CDH23: variants seen among roughly 807,000 people sequenced by gnomAD.
CDH23 encodes the protein cadherin-23.
Under a neutral mutation model 317.1 loss-of-function variants are expected in CDH23, and 189 were observed. That is an observed-to-expected ratio of 0.60 (90% CI 0.53 to 0.67). The LOEUF (loss-of-function observed/expected upper bound fraction) is 0.67, where lower values mean the gene tolerates loss of function less well. Ranked by LOEUF, CDH23 falls within the 30% of genes least tolerant of loss-of-function variation. The probability of loss-of-function intolerance (pLI) is 0.00; values close to 1 mark genes in which losing one functional copy is unlikely to be tolerated. For missense variants in CDH23, 4,401 were observed against 4,592.4 expected, an observed-to-expected ratio of 0.96 and a Z score of 1.20; for synonymous variants, 1,839 against 1,876.8, an observed-to-expected ratio of 0.98 and a Z score of 0.52.
intron 11 of CDH23, 178 bp downstream of exon 11, chr10:71,617,571 T>C: frequency 1.4e-6 from 2 of 1,451,208 alleles, no homozygotes; most frequent in Admixed American, 2.3e-5. Context: ...ACTTTTGGAT[T>C]ATCCCCTACA....
rs547411506 is a variant in CDH23, at chr10:71,672,683, G to T, written c.1450-2429G>T. Among the ~76,000 whole-genome samples the T allele has an allele frequency of 2.8e-4, 42 of 152,292 alleles. No homozygotes were observed. In the South Asian group the frequency reaches 8.5e-3, roughly 31 times the overall value. On this transcript the variant is annotated intron_variant, in intron 14 of 69. Coordinates refer to ENST00000224721, the MANE Select transcript of CDH23 (RefSeq NM_022124.6). ...GCAGGGGAGGCCAAGCCTTGCAGGG[G>T]TTGGGGGTGTGAAGCCAGCTTCTGC...
chr10:71,688,971 TC>T (rs142285259), intron 19 of CDH23, among the ~76,000 whole-genome samples: 24 of 1,294 alleles, frequency 0.019, 4 homozygotes, highest in Middle Eastern at 0.25. Context: ...GGTGGTGGAG[TC>T]CAGGGGTGGT....
intron 3 of CDH23, among the ~76,000 whole-genome samples, chr10:71,483,621 T>C (rs1852185956): frequency 6.6e-6 from 1 of 152,172 alleles, no homozygotes; most frequent in Non-Finnish European, 1.5e-5. Flanking sequence ...AGGGAGAAGC[T>C]CCTCACCCTT....
chr10:71,702,768 A>G, intron 24 of CDH23, 74 bp downstream of exon 24: 1 of 1,570,570 alleles, frequency 6.4e-7, no homozygotes, highest in African/African-American at 1.3e-5. Context: ...GCCCAGGCTG[A>G]AAACTTTGCA....
intron 1 of CDH23, among the ~76,000 whole-genome samples, chr10:71,412,321 C>G (rs77088128): frequency 6.6e-6 from 1 of 152,162 alleles, no homozygotes; most frequent in African/African-American, 2.4e-5. Flanking sequence ...TGAGTGTATA[C>G]CTAGGTGTGG....
At chr10:71,566,632 G>A (rs540030124) in intron 6 of CDH23, 110 bp from the exon 7 acceptor site, 60 of 935,236 alleles carry the variant, frequency 6.4e-5, no homozygotes, top group East Asian at 5.7e-4. Flanking sequence ...ACAAGGCCTC[G>A]GGTCTGGTTG....
intron 3 of CDH23, among the ~76,000 whole-genome samples, chr10:71,457,270 A>G (rs1001254352): frequency 3.3e-5 from 5 of 152,190 alleles, no homozygotes; most frequent in African/African-American, 1.2e-4. Context: ...AATAGTAATT[A>G]TTTAGCCCCT....
chr10:71,462,181 C>G (rs925185406), intron 3 of CDH23, among the ~76,000 whole-genome samples: 7 of 152,224 alleles, frequency 4.6e-5, no homozygotes, highest in Non-Finnish European at 7.4e-5. Context: ...AAGGCAGGCC[C>G]GGGAGGCGAG....
chr10:71,458,097 G>A (rs1850788046), intron 3 of CDH23, among the ~76,000 whole-genome samples: 2 of 152,234 alleles, frequency 1.3e-5, no homozygotes, highest in African/African-American at 4.8e-5. Flanking sequence ...GCTGGCTGAG[G>A]AGACGGGCAG....
chr10:71,780,125 G>C (rs1840914247), intron 41 of CDH23, among the ~76,000 whole-genome samples: 1 of 152,192 alleles, frequency 6.6e-6, no homozygotes, highest in Admixed American at 6.5e-5. Context: ...ATTTTGAAAA[G>C]AAAAGCAGAA....
chr10:71,627,774 C>T (rs1861813816), intron 11 of CDH23, among the ~76,000 whole-genome samples: 2 of 152,244 alleles, frequency 1.3e-5, no homozygotes, highest in African/African-American at 4.8e-5. Context: ...ACCCACACTC[C>T]TGAGCAGGGC....
intron 48 of CDH23, 68 bp downstream of exon 48, chr10:71,793,708 C>G: frequency 1.7e-6 from 2 of 1,149,902 alleles, no homozygotes; most frequent in Non-Finnish European, 2.4e-6. Context: ...TCCCTGCTTC[C>G]CCCTTCTTTC....
intron 62 of CDH23, among the ~76,000 whole-genome samples, chr10:71,811,078 T>C (rs1841902879): frequency 1.5e-5 from 1 of 65,524 alleles, no homozygotes; most frequent in Admixed American, 2.4e-4. Flanking sequence ...CAAGACTCCA[T>C]CTCAAAAAAA....
At chr10:71,471,199 C>A (rs552639216) in intron 3 of CDH23, among the ~76,000 whole-genome samples, 1 of 152,348 alleles carries the variant, frequency 6.6e-6, no homozygotes, top group South Asian at 2.1e-4. Context: ...TGGCTTACTG[C>A]ACTGCCATCT....
In CDH23 at chr10:71,760,191, GTATATACA is replaced by G. The variant is rs1370549486; in HGVS notation, c.4846-17482_4846-17475del. Reference sequence around the variant, plus strand: ...TACATATATATGTGTGTATATATATGTATATACATATATATGTGTGTATATATGTGTAT... The same window carrying G: ...TACATATATATGTGTGTATATATATGTATATATGTGTGTATATATGTGTAT... On this transcript the variant is annotated intron_variant, in intron 38 of 69. Coordinates refer to ENST00000224721, the MANE Select transcript of CDH23 (RefSeq NM_022124.6). Among the ~76,000 whole-genome samples the G allele has an allele frequency of 1.8e-4, 11 of 61,246 alleles. 3 individuals are homozygous for G. Among genetic ancestry groups the G allele is most frequent in the African/African-American group, 6.0e-4 (6 of 10,070 alleles). The allele number at this position is 61,246 out of a possible 152,430, so 40.2% of individuals were successfully genotyped here. A position where few individuals can be genotyped will look rare whatever the true frequency, so the allele number is the denominator to read the frequency against.
intron 6 of CDH23, among the ~76,000 whole-genome samples, chr10:71,534,346 T>C (rs1291791828): frequency 1.3e-5 from 2 of 152,200 alleles, no homozygotes. Flanking sequence ...CACTCTCATG[T>C]CTGGGGGTCT....
rs144688588 is a variant in CDH23 at position 71,812,886 on chromosome 10, T to C, written c.9629T>C (p.Ile3210Thr). The change falls in exon 68 of 70, where the codon ATC becomes ACC. Residue 3210 changes from isoleucine to threonine, a missense_variant. Ile to Thr is a moderately conservative substitution (Grantham distance 89, BLOSUM62 -1). This residue lies in a region of CDH23 where 1,144 missense variants were observed against 1,138.2 expected (regional missense o/e 1.01). Coordinates refer to ENST00000224721, the MANE Select transcript of CDH23 (RefSeq NM_022124.6). Reference protein sequence around the residue: ...KLGQIIREGPIKGSLLKVVLE... With the variant: ...KLGQIIREGPTKGSLLKVVLE... ...GGCCAGATCATTCGTGAGGGGCCAA[T>C]CAAGGTGAGCCTTCCCTGCAGGCTC... 5.1e-4 allele frequency: 815 copies of C among 1,613,428 alleles called. No homozygotes were observed. Among genetic ancestry groups the C allele is most frequent in the Middle Eastern group, 8.2e-4 (5 of 6,062 alleles).
intron 3 of CDH23, among the ~76,000 whole-genome samples, chr10:71,500,757 CTGTTTTCTTT>C (rs1396566639): frequency 1.4e-5 from 2 of 142,152 alleles, no homozygotes; most frequent in Admixed American, 7.1e-5. Flanking sequence ...CCCTCTGAGC[CTGTTTTCTTT>C]TCTTTTCTTT....
intron 1 of CDH23, among the ~76,000 whole-genome samples, chr10:71,423,241 G>A (rs893870174): frequency 1.3e-5 from 2 of 152,208 alleles, no homozygotes; most frequent in African/African-American, 4.8e-5. Flanking sequence ...ACACAGTGGG[G>A]TGGAGGAAGG....
Sources: allele counts gnomAD v4.1 joint callset (sites outside exome capture counted in the v4.1 genomes callset), GRCh38; gene constraint gnomAD v4.1.1; regional missense constraint gnomAD v4.1.1; transcripts MANE v1.5; gene names NCBI Gene and HGNC (gene_info 2026-07-23, HGNC 2026-07-21).